The following WNT5B variants were observed in gnomAD, a reference collection of about 807,000 sequenced individuals.
WNT5B encodes Wnt family member 5B, also known as protein Wnt-5b.
WNT5B carries 18 observed loss-of-function variants against 36.5 expected under a neutral mutation model. The ratio of observed to expected loss-of-function variants is 0.49; its 90% CI spans 0.34 to 0.73. WNT5B has a LOEUF of 0.73. WNT5B is among the 30% of genes least tolerant of loss of function. The pLI is 0.01. For missense variants in WNT5B, 424 were observed against 508.4 expected (o/e 0.83, Z 1.60); for synonymous variants, 213 against 212.3 (o/e 1.00, Z -0.03).
At chr12:1,622,128 T>G (rs945320149) in intron 1 of WNT5B, among the ~76,000 whole-genome samples, 35 of 101,006 alleles carry the variant, frequency 3.5e-4, no homozygotes, top group African/African-American at 1.2e-3. Context: ...TTTTTTTTTT[T>G]GAGACGGAGT....
At chr12:1,627,120 G>T (rs1274667532), upstream of WNT5B, among the ~76,000 whole-genome samples, 3 of 152,216 alleles carry the variant, frequency 2.0e-5, no homozygotes, top group Admixed American at 2.0e-4. This position sits in a 1 kb window ranked among gnomAD's most constrained non-coding sequence, Gnocchi z 5.0. Flanking sequence ...AAACATGCAA[G>T]AAGCTAGAAG....
chr12:1,624,259 A>G (rs547964400), upstream of WNT5B, among the ~76,000 whole-genome samples: 20 of 151,710 alleles, frequency 1.3e-4, no homozygotes, highest in East Asian at 2.9e-3. Context: ...GGTGGCAGGC[A>G]CCTGTAATCC....
At chr12:1,631,254 T>C (rs941603415) in intron 1 of WNT5B, 44 bp from the exon 2 acceptor site, 3 of 1,549,736 alleles carry the variant, frequency 1.9e-6, no homozygotes, top group African/African-American at 2.7e-5. Flanking sequence ...TCTGCCCTTA[T>C]CCGCTGAGTT....
intron 1 of WNT5B, among the ~76,000 whole-genome samples, chr12:1,619,320 T>C (rs1260997798): frequency 1.3e-5 from 2 of 152,074 alleles, no homozygotes; most frequent in South Asian, 4.1e-4. Context: ...CACAAGCAGA[T>C]CACACAAAAG....
At chr12:1,642,930 A>G (rs1372068284) in intron 4 of WNT5B, among the ~76,000 whole-genome samples, 1 of 152,158 alleles carries the variant, frequency 6.6e-6, no homozygotes, top group African/African-American at 2.4e-5. Context: ...TCTCCAAGGA[A>G]CAGGCCTCGG....
At chr12:1,621,823 A>G (rs1056461714) in intron 1 of WNT5B, among the ~76,000 whole-genome samples, 1 of 151,440 alleles carries the variant, frequency 6.6e-6, no homozygotes, top group Non-Finnish European at 1.5e-5. Flanking sequence ...GGGATTACAG[A>G]TGTGAGCCAC....
rs1435996043 is a variant in WNT5B at position 1,639,785 on chromosome 12, AGC to A, written c.431_432del (p.Ser144ThrfsTer67). 6.2e-7 allele frequency: 1 copy of A among 1,610,996 alleles called. No homozygotes were observed. On this transcript the variant is annotated frameshift_variant, in exon 4 of 5. Coordinates refer to ENST00000397196, the MANE Select transcript of WNT5B (RefSeq NM_032642.3). LOFTEE classifies it high-confidence loss of function. Reference protein sequence around the residue: ...REGELSTCGCSRTARPKDLPR... With the variant: ...REGELSTCGCXRTARPKDLPR... ...GGGCGAGCTCTCCACCTGCGGCTGC[AGC>A]CGGACGGCGCGGCCCAAGGACCTGC... is the stretch of plus-strand genomic sequence containing the variant.
intron 4 of WNT5B, among the ~76,000 whole-genome samples, chr12:1,642,235 G>A (rs996904286): frequency 6.6e-6 from 1 of 152,184 alleles, no homozygotes; most frequent in African/African-American, 2.4e-5. Context: ...ATTTGCCCAC[G>A]TCTTTGGGTG....
intron 4 of WNT5B, among the ~76,000 whole-genome samples, chr12:1,640,364 T>G (rs1315109317): frequency 6.6e-6 from 1 of 152,186 alleles, no homozygotes; most frequent in African/African-American, 2.4e-5. Context: ...AGACCTCATC[T>G]AGGGTTTATG....
chr12:1,636,625 C>T (rs2154439674), intron 3 of WNT5B, among the ~76,000 whole-genome samples: 1 of 150,312 alleles, frequency 6.7e-6, no homozygotes, highest in African/African-American at 2.4e-5. Flanking sequence ...ATTGCAGCCT[C>T]CAACTCCTGG....
In WNT5B at chr12:1,645,774, C is replaced by T; in HGVS notation, c.622-20C>T. Reference sequence around the variant, plus strand: ...TCCACCGGGATCCTCCTTCTTACTGCCTTCTTTCTCTTCCCCTAGGCTGTG... The same window carrying T: ...TCCACCGGGATCCTCCTTCTTACTGTCTTCTTTCTCTTCCCCTAGGCTGTG... On this transcript the variant is annotated intron_variant, in intron 4 of 4. Coordinates refer to ENST00000397196, the MANE Select transcript of WNT5B (RefSeq NM_032642.3). 1 of 1,545,642 alleles carries T rather than the reference C, an allele frequency of 6.5e-7. No individual in the cohort carries two copies.
chr12:1,628,237 C>A (rs148374356), upstream of WNT5B, among the ~76,000 whole-genome samples: 1 of 151,868 alleles, frequency 6.6e-6, no homozygotes, highest in African/African-American at 2.4e-5. Context: ...CTCACTGCAA[C>A]CTCCACCTCC....
chr12:1,639,262 C>T (rs899863471), intron 3 of WNT5B, among the ~76,000 whole-genome samples: 5 of 151,350 alleles, frequency 3.3e-5, no homozygotes, highest in Non-Finnish European at 5.9e-5. Flanking sequence ...CTCAGCCTCC[C>T]GAGTAGCTGG....
upstream of WNT5B, among the ~76,000 whole-genome samples, chr12:1,624,517 A>G (rs75832721): frequency 0.023 from 3,502 of 152,244 alleles, 148 homozygotes; most frequent in African/African-American, 0.081. Context: ...ATGAACAAGT[A>G]CTTAATTTTA....
At chr12:1,626,801 A>G (rs185223684), upstream of WNT5B, among the ~76,000 whole-genome samples, 942 of 148,798 alleles carry the variant, frequency 6.3e-3, 5 homozygotes, top group African/African-American at 0.022. Context: ...TCCTGACCTC[A>G]TGATCTGCCC....
At chr12:1,620,030 T>C (rs763590003) in intron 1 of WNT5B, among the ~76,000 whole-genome samples, 2 of 152,246 alleles carry the variant, frequency 1.3e-5, no homozygotes, top group Non-Finnish European at 2.9e-5. Context: ...TAGGTATTAA[T>C]ATGACTTTTT....
At chr12:1,622,208 T>C (rs954949498) in intron 1 of WNT5B, among the ~76,000 whole-genome samples, 1 of 151,214 alleles carries the variant, frequency 6.6e-6, no homozygotes, top group African/African-American at 2.4e-5. Context: ...CTTCCCGGGT[T>C]CACGCCATTC....
At chr12:1,639,133 TTG>T (rs1461545232) in intron 3 of WNT5B, among the ~76,000 whole-genome samples, 1 of 151,966 alleles carries the variant, frequency 6.6e-6, no homozygotes, top group Non-Finnish European at 1.5e-5. Context: ...ACTTGTTTTT[TTG>T]TGTTTTTTTT....
chr12:1,639,170 C>T (rs1307387059), intron 3 of WNT5B, among the ~76,000 whole-genome samples: 1 of 151,310 alleles, frequency 6.6e-6, no homozygotes, highest in Non-Finnish European at 1.5e-5. Context: ...CAGAGTCTCA[C>T]TCTGTCGCCC....
Sources: allele counts gnomAD v4.1 joint callset (sites outside exome capture counted in the v4.1 genomes callset), GRCh38; gene constraint gnomAD v4.1.1; non-coding constraint Gnocchi (gnomAD v3.1); transcripts MANE v1.5; gene names NCBI Gene and HGNC (gene_info 2026-07-23, HGNC 2026-07-21).